TONSL: variants seen among roughly 807,000 people sequenced by gnomAD.
The protein encoded by TONSL is tonsoku like, DNA repair protein.
In TONSL, 112 loss-of-function variants were observed where a neutral mutation model predicts 147.1. The ratio of observed to expected loss-of-function variants is 0.76; its 90% CI spans 0.65 to 0.89. The LOEUF (loss-of-function observed/expected upper bound fraction) is 0.89. Ranked by LOEUF, TONSL falls within the 40% of genes least tolerant of loss-of-function variation. TONSL has a pLI of 0.00. For missense variants in TONSL, 1,883 were observed against 1,864.6 expected (o/e 1.01, Z -0.18); for synonymous variants, 868 against 801.5 (o/e 1.08, Z -1.40).
chr8:144,438,821 C>T, intron 11 of TONSL, 86 bp from the exon 12 acceptor site: 4 of 1,419,764 alleles, frequency 2.8e-6, no homozygotes, highest in Non-Finnish European at 2.9e-6. Flanking sequence ...CCCCAAACTC[C>T]CAGGTACAAA....
intron 5 of TONSL, 117 bp downstream of exon 5, chr8:144,442,560 G>A: frequency 6.7e-7 from 1 of 1,498,952 alleles, no homozygotes; most frequent in South Asian, 1.3e-5. Flanking sequence ...TGAGAGGTGG[G>A]GGGATGAGGC....
chr8:144,436,846 G>C lies in TONSL; in HGVS notation c.1801C>G (p.Pro601Ala), dbSNP rs1359472212. Residue 601 changes from proline (P) to alanine (A), a missense_variant, in exon 15 of 26, where the codon CCC becomes GCC. Coordinates refer to ENST00000409379, the MANE Select transcript of TONSL (RefSeq NM_013432.5). ...CCACAGTTGAGGGCATCGTGGAGGG[G>C]GGTGATGCCTTCGCAGCCCTGGCCA... ...PGGQGCEGIT[P>A]LHDALNCGHF... 6.8e-6 allele frequency: 11 copies of C among 1,610,810 alleles called. No individual in the cohort carries two copies. The highest frequency in any genetic ancestry group is 1.3e-5 in the African/African-American group (1 of 75,062).
chr8:144,436,251 C>A lies in TONSL; in HGVS notation c.2182G>T (p.Ala728Ser), dbSNP rs1300923233. Residue 728 changes from alanine to serine, a missense_variant, in exon 17 of 26, where the codon GCC (alanine) becomes TCC (serine). By Grantham distance (99) the Ala-to-Ser change is moderately conservative. Transcript: ENST00000409379. ...VSPGQAAPAM[A>S]RPRRSRHGPA... ...CCATGCCTGCTCCTCCGAGGCCTGG[C>A]CATGGCTGGTGCCGCCTGCCCTGGG... is the stretch of plus-strand genomic sequence containing the variant. 1 of 1,535,424 alleles carries A rather than the reference C, an allele frequency of 6.5e-7. No homozygotes were observed. The highest frequency in any genetic ancestry group is 8.7e-7 in the Non-Finnish European group (1 of 1,145,296).
At chr8:144,432,692 A>G (rs1364562301) in intron 22 of TONSL, 4 of 442,296 alleles carry the variant, frequency 9.0e-6, no homozygotes, top group Non-Finnish European at 1.6e-5. Context: ...GCCCTCTCCC[A>G]CCCCACAACC....
At position 144,435,885 on chromosome 8, in the gene TONSL, G is replaced by C. The variant is rs751268411; in HGVS notation, c.2548C>G (p.Pro850Ala). Residue 850 changes from proline (P) to alanine (A), a missense_variant, in exon 17 of 26, where the codon CCC becomes GCC. Transcript: ENST00000409379. ...CTGCGGTTGTCTCCAGTGCCCCGGG[G>C]GCGGGGCCGGCGGCTGCGGGTCAGG... Reference protein sequence around the residue: ...MPLTRSRRPRPRGTGDNRRPS... With the variant: ...MPLTRSRRPRARGTGDNRRPS... The C allele has an allele frequency of 6.3e-7, 1 of 1,598,902 alleles. No individual in the cohort carries two copies. Among genetic ancestry groups the C allele is most frequent in the Admixed American group, 1.7e-5 (1 of 59,548 alleles).
At position 144,435,711 on chromosome 8, in the gene TONSL, T is replaced by C. The variant is rs1823420684; in HGVS notation, c.2722A>G (p.Thr908Ala). ...LASEPPGSPS[T>A]PRVSEPSGDS... ...CCACTGGGCTCTGAGACCCTGGGGGTGCTGGGGCTCCCTGGAGGTTCTGAA... is the reference window on the plus strand; with the variant it reads ...CCACTGGGCTCTGAGACCCTGGGGGCGCTGGGGCTCCCTGGAGGTTCTGAA... Residue 908 changes from threonine (T) to alanine (A), a missense_variant, in exon 17 of 26, where the codon ACC becomes GCC. By Grantham distance (58) the Thr-to-Ala change is moderately conservative. Transcript: ENST00000409379. 6.2e-7 allele frequency: 1 copy of C among 1,611,444 alleles called. No homozygotes were observed. Among genetic ancestry groups the C allele is most frequent in the African/African-American group, 1.3e-5 (1 of 74,806 alleles).
intron 25 of TONSL, 66 bp downstream of exon 25, chr8:144,430,338 C>T: frequency 6.9e-7 from 1 of 1,456,252 alleles, no homozygotes; most frequent in South Asian, 1.5e-5. Context: ...GAGGAGGCAC[C>T]TGGGTCTCAG....
At chr8:144,442,549 G>A in intron 5 of TONSL, 128 bp downstream of exon 5, 10 of 1,490,420 alleles carry the variant, frequency 6.7e-6, no homozygotes, top group Non-Finnish European at 9.0e-6. Flanking sequence ...TGGCACAGGT[G>A]TGAGAGGTGG....
rs940804811 is a variant in TONSL at position 144,428,951 on chromosome 8, G to A, written c.*192C>T. On this transcript the variant is annotated 3_prime_UTR_variant, in exon 26 of 26. Coordinates refer to ENST00000409379, the MANE Select transcript of TONSL (RefSeq NM_013432.5). ...ACTACAGGCTTCCACCACCACGCCC[G>A]GCTAATTTTTGGTATTTTTAGTAGA... The A allele has an allele frequency of 1.6e-5, 9 of 580,174 alleles. No homozygotes were observed. Among genetic ancestry groups the A allele is most frequent in the Admixed American group, 1.6e-4 (4 of 25,788 alleles). 35.9% of individuals were successfully genotyped at this position (580,174 alleles called of 1,614,324 possible). A position where few individuals can be genotyped will look rare whatever the true frequency, so the allele number is the denominator to read the frequency against.
In TONSL at chr8:144,435,980, A is replaced by T. The variant is rs1823437281; in HGVS notation, c.2453T>A (p.Leu818His). The part of the protein sequence containing the change: ...PGPPRGHSKA[L>H]APQAALIPEE... ...CGGGATGAGCGCTGCCTGGGGGGCA[A>T]GGGCTTTGCTGTGGCCCCGCGGTGG... Residue 818 changes from leucine (L) to histidine (H), a missense_variant, in exon 17 of 26, where the codon CTT (leucine) becomes CAT (histidine). Physicochemically the swap from Leu to His is moderately conservative, Grantham distance 99 (BLOSUM62 -3). Coordinates refer to ENST00000409379, the MANE Select transcript of TONSL (RefSeq NM_013432.5). 1 of 1,554,294 alleles carries T rather than the reference A, an allele frequency of 6.4e-7. No individual in the cohort carries two copies. The highest frequency in any genetic ancestry group is 8.7e-7 in the Non-Finnish European group (1 of 1,151,292).
intron 23 of TONSL, 91 bp from the exon 24 acceptor site, chr8:144,431,242 G>C: frequency 1.6e-6 from 2 of 1,232,300 alleles, no homozygotes; most frequent in Admixed American, 3.6e-5. Context: ...CAGGGGCCCA[G>C]AAGGGAGCAG....
Position 144,434,855 on chromosome 8 carries a change from G to C in TONSL, c.3041C>G (p.Pro1014Arg), listed in dbSNP as rs775868344. The change falls in exon 20 of 26, where the codon CCG becomes CGG. Residue 1014 changes from proline to arginine, a missense_variant. Transcript: ENST00000409379. ...LAEVTSWDLP[P>R]LTDRYRRACQ... ...GGCCCTGCGGTAGCGGTCAGTCAACGGGGGCAGGTCCCACGAAGTCACCTC... is the reference window on the plus strand; with the variant it reads ...GGCCCTGCGGTAGCGGTCAGTCAACCGGGGCAGGTCCCACGAAGTCACCTC... The C allele has an allele frequency of 6.2e-7, 1 of 1,613,358 alleles. No homozygotes were observed. The highest frequency in any genetic ancestry group is 8.5e-7 in the Non-Finnish European group (1 of 1,179,926).
intron 18 of TONSL, 139 bp from the exon 19 acceptor site, chr8:144,435,309 C>A: frequency 7.9e-7 from 1 of 1,265,288 alleles, no homozygotes; most frequent in Non-Finnish European, 1.1e-6. Context: ...CCTCTCCCTG[C>A]AGCCCAGCAC....
chr8:144,437,333 C>T (rs1362271078), intron 13 of TONSL, among the ~76,000 whole-genome samples: 1 of 152,238 alleles, frequency 6.6e-6, no homozygotes, highest in Non-Finnish European at 1.5e-5. Context: ...GCCCGGTCCC[C>T]TTGTGGGGAG....
rs1396762844 is a variant in TONSL, at chr8:144,435,073, CCT to C, written c.2948_2949del (p.Glu983GlyfsTer12). 5 of 1,610,496 alleles carry C rather than the reference CCT, an allele frequency of 3.1e-6. No homozygotes were observed. The highest frequency in any genetic ancestry group is 1.7e-4 in the Middle Eastern group (1 of 6,014). ...GLLPRLTLRK[E>X]GALLAPQDLI... Reference sequence around the variant, plus strand: ...AGGTCCTGTGGGGCCAGCAGGGCCCCCTCTTTCCGTAGGGTGAGCCTGGGCAG... The same window carrying C: ...AGGTCCTGTGGGGCCAGCAGGGCCCCCTTTCCGTAGGGTGAGCCTGGGCAG... On this transcript the variant is annotated frameshift_variant, in exon 19 of 26. Transcript: ENST00000409379. LOFTEE classifies it high-confidence loss of function.
Position 144,430,450 on chromosome 8 carries a change from G to C in TONSL, c.3897C>G (p.Ser1299=). The C allele has an allele frequency of 6.2e-7, 1 of 1,612,932 alleles. No homozygotes were observed. The highest frequency in any genetic ancestry group is 8.5e-7 in the Non-Finnish European group (1 of 1,179,494). Residue 1299 remains serine, a synonymous_variant, in exon 25 of 26, where the codon TCC becomes TCG. Transcript: ENST00000409379. The part of the protein sequence containing the change: ...ISCASLEELL[S]TLQKRPQGLS... ...GGCCTTGGGGCCGCTTTTGGAGGGT[G>C]GACAGGAGCTCTTCCAAGCTGGCAC... is the stretch of plus-strand genomic sequence containing the variant.
intron 25 of TONSL, among the ~76,000 whole-genome samples, chr8:144,429,652 C>T (rs1244088204): frequency 2.0e-5 from 3 of 152,146 alleles, no homozygotes; most frequent in African/African-American, 7.2e-5. Context: ...ATCTGTACAT[C>T]GTGGGCCTGA....
intron 5 of TONSL, 69 bp downstream of exon 5, chr8:144,442,608 A>G: frequency 6.4e-7 from 1 of 1,563,258 alleles, no homozygotes; most frequent in Non-Finnish European, 8.7e-7. Flanking sequence ...TCTGGGAAAA[A>G]TACTCCCCTA....
At chr8:144,438,795 C>T (rs781419883) in intron 11 of TONSL, 60 bp from the exon 12 acceptor site, 3 of 1,542,446 alleles carry the variant, frequency 1.9e-6, no homozygotes, top group Non-Finnish European at 2.7e-6. Context: ...TAGCAGCCCC[C>T]ACCCTGCTGC....
Sources: gnomAD v4.1 joint callset for allele counts (sites outside exome capture counted in the v4.1 genomes callset) on GRCh38, gnomAD v4.1.1 for gene constraint, MANE v1.5 for transcripts, NCBI Gene and HGNC (gene_info 2026-07-23, HGNC 2026-07-21) for gene names.